The following NRF1 variants were observed in gnomAD, a reference collection of about 807,000 sequenced individuals.
NRF1 encodes nuclear respiratory factor 1.
Under a neutral mutation model 58.5 loss-of-function variants are expected in NRF1, and 5 were observed. The ratio of observed to expected loss-of-function variants is 0.09; its 90% CI spans 0.04 to 0.18. The LOEUF (loss-of-function observed/expected upper bound fraction) is 0.18. NRF1 is among the 10% of genes least tolerant of loss of function. NRF1 has a pLI of 1.00. For missense variants in NRF1, 288 were observed against 657.7 expected (o/e 0.44, Z 6.15); for synonymous variants, 224 against 246.7 (o/e 0.91, Z 0.86).
At chr7:129,641,199 T>C (rs990685783) in intron 1 of NRF1, among the ~76,000 whole-genome samples, 8 of 152,242 alleles carry the variant, frequency 5.3e-5, no homozygotes, top group African/African-American at 1.9e-4. Context: ...CTTTAGATGA[T>C]ACCTGTGAAG....
At chr7:129,732,788 G>A (rs1803613421) in intron 10 of NRF1, among the ~76,000 whole-genome samples, 1 of 151,838 alleles carries the variant, frequency 6.6e-6, no homozygotes, top group Non-Finnish European at 1.5e-5. Context: ...TTTCAGTAGA[G>A]ACAGGGTTTC....
chr7:129,641,591 A>G (rs1236712483), intron 1 of NRF1: 3 of 152,218 alleles, frequency 2.0e-5, no homozygotes, highest in Non-Finnish European at 4.4e-5. Flanking sequence ...ATGCAGAATC[A>G]TAAGTGTACG....
At chr7:129,716,263 G>A (rs948766788) in intron 8 of NRF1, among the ~76,000 whole-genome samples, 6 of 152,012 alleles carry the variant, frequency 3.9e-5, no homozygotes, top group African/African-American at 1.2e-4. Flanking sequence ...AAAGGTACAC[G>A]AGAAAATAGG....
At chr7:129,664,253 A>G (rs1256637539) in intron 2 of NRF1, among the ~76,000 whole-genome samples, 1 of 152,176 alleles carries the variant, frequency 6.6e-6, no homozygotes, top group Non-Finnish European at 1.5e-5. Flanking sequence ...TACATTTTAT[A>G]TCTTTCACTT....
chr7:129,747,637 A>C (rs1197137792), intron 10 of NRF1, among the ~76,000 whole-genome samples: 2 of 152,232 alleles, frequency 1.3e-5, no homozygotes, highest in African/African-American at 2.4e-5. Context: ...GAGATGAGTG[A>C]TCACCATTTT....
At chr7:129,634,658 G>A (rs980144160) in intron 1 of NRF1, among the ~76,000 whole-genome samples, 2 of 152,180 alleles carry the variant, frequency 1.3e-5, no homozygotes, top group East Asian at 3.8e-4. Context: ...ATTTATTTGT[G>A]TGCTGGTTTT....
chr7:129,723,203 G>A (rs1803371077), intron 9 of NRF1, among the ~76,000 whole-genome samples: 1 of 152,076 alleles, frequency 6.6e-6, no homozygotes, highest in South Asian at 2.1e-4. Context: ...CAGCACTTTG[G>A]GAGGCCGAGG....
intron 5 of NRF1, among the ~76,000 whole-genome samples, chr7:129,699,456 G>C (rs577353114): frequency 6.6e-6 from 1 of 152,182 alleles, no homozygotes; most frequent in Non-Finnish European, 1.5e-5. Context: ...GCTCATGCCT[G>C]TAATACCAAC....
chr7:129,684,098 A>G (rs570484477), intron 4 of NRF1, among the ~76,000 whole-genome samples: 2 of 152,276 alleles, frequency 1.3e-5, no homozygotes, highest in East Asian at 3.9e-4. Context: ...AAGAAACTCC[A>G]TCTAGCTAAA....
At chr7:129,712,281 A>T (rs1333043333) in intron 8 of NRF1, among the ~76,000 whole-genome samples, 1 of 152,236 alleles carries the variant, frequency 6.6e-6, no homozygotes, top group Non-Finnish European at 1.5e-5. Flanking sequence ...TGAAGATGCA[A>T]CAGTGAAGGA....
chr7:129,622,183 C>T (rs1442582756), intron 1 of NRF1, among the ~76,000 whole-genome samples: 1 of 151,982 alleles, frequency 6.6e-6, no homozygotes, highest in Admixed American at 6.6e-5. Context: ...TTTCTTATAC[C>T]TTCCATTGTT....
intron 10 of NRF1, among the ~76,000 whole-genome samples, chr7:129,737,040 A>AC (rs1803731327): frequency 6.6e-6 from 1 of 152,274 alleles, no homozygotes; most frequent in Non-Finnish European, 1.5e-5. Context: ...AGTGCCTGGC[A>AC]CAGGGATGCA....
chr7:129,744,349 A>G lies in NRF1; in HGVS notation c.1349-10669A>G, dbSNP rs987499545. ...ATTCCTCTACTGTGCAGTCCCCCTC[A>G]CTCGGTCACCTGATAGTTTTAGTAA... On this transcript the variant is annotated intron_variant, in intron 10 of 10. Transcript: ENST00000393232. 9.7e-6 allele frequency: 7 copies of G among 722,680 alleles called. No homozygotes were observed. The Admixed American group carries it at 1.6e-4, about 16-fold the overall frequency. 44.8% of individuals were successfully genotyped at this position (722,680 alleles called of 1,614,324 possible). A position where few individuals can be genotyped will look rare whatever the true frequency, so the allele number is the denominator to read the frequency against.
intron 3 of NRF1, 27 bp from the exon 4 acceptor site, chr7:129,677,605 T>A: frequency 6.2e-7 from 1 of 1,612,042 alleles, no homozygotes; most frequent in East Asian, 2.2e-5. Context: ...TTAAAACTTT[T>A]TATTCTTGTT....
intron 3 of NRF1, among the ~76,000 whole-genome samples, chr7:129,673,679 A>G (rs1484255297): frequency 3.7e-5 from 5 of 134,750 alleles, no homozygotes. Flanking sequence ...ATCGCGCCAC[A>G]GCACTCCCGC....
intron 2 of NRF1, among the ~76,000 whole-genome samples, chr7:129,658,696 C>T (rs556818459): frequency 2.0e-5 from 3 of 151,864 alleles, no homozygotes; most frequent in African/African-American, 4.8e-5. Context: ...GCATTTCATG[C>T]GCCCATCCTA....
At chr7:129,683,478 T>A (rs1336857180) in intron 4 of NRF1, among the ~76,000 whole-genome samples, 2 of 151,318 alleles carry the variant, frequency 1.3e-5, no homozygotes, top group East Asian at 3.9e-4. Flanking sequence ...TACAGGTGCG[T>A]GCCACCATGC....
intron 4 of NRF1, among the ~76,000 whole-genome samples, chr7:129,678,045 C>T (rs1378190755): frequency 6.6e-6 from 1 of 152,050 alleles, no homozygotes; most frequent in African/African-American, 2.4e-5. Flanking sequence ...GAAACCAATG[C>T]AGGATTTTCT....
intron 1 of NRF1, among the ~76,000 whole-genome samples, chr7:129,638,612 T>A (rs976283634): frequency 6.6e-6 from 1 of 152,232 alleles, no homozygotes; most frequent in Non-Finnish European, 1.5e-5. Flanking sequence ...TTTATTCTTA[T>A]GGGATAATTA....
Sources: allele counts gnomAD v4.1 joint callset (sites outside exome capture counted in the v4.1 genomes callset), GRCh38; gene constraint gnomAD v4.1.1; transcripts MANE v1.5; gene names NCBI Gene and HGNC (gene_info 2026-07-23, HGNC 2026-07-21).